LSAMP: variants seen among roughly 807,000 people sequenced by gnomAD.
LSAMP encodes limbic system-associated membrane protein.
A neutral mutation model predicts 38.6 loss-of-function variants in LSAMP; 7 were observed. The ratio of observed to expected loss-of-function variants is 0.18; its 90% CI spans 0.10 to 0.34. LSAMP has a LOEUF of 0.34. LSAMP is among the 10% of genes least tolerant of loss of function. LSAMP has a pLI of 1.00. For missense variants in LSAMP, 313 were observed against 420.0 expected, an observed-to-expected ratio of 0.75 and a Z score of 2.23; for synonymous variants, 154 against 166.8, an observed-to-expected ratio of 0.92 and a Z score of 0.59.
intron 3 of LSAMP, among the ~76,000 whole-genome samples, chr3:115,995,213 T>C (rs1939781077): frequency 6.6e-6 from 1 of 152,128 alleles, no homozygotes; most frequent in Non-Finnish European, 1.5e-5. Flanking sequence ...AATGTCACCA[T>C]TATTCCTGTC....
intron 3 of LSAMP, among the ~76,000 whole-genome samples, chr3:115,954,007 A>C (rs1191099897): frequency 8.5e-5 from 13 of 152,180 alleles, no homozygotes; most frequent in Non-Finnish European, 1.5e-5. Flanking sequence ...ACTGCTTCTT[A>C]TAACATCCTA....
intron 1 of LSAMP, among the ~76,000 whole-genome samples, chr3:116,259,439 T>C (rs115083087): frequency 0.035 from 5,377 of 152,228 alleles, 310 homozygotes; most frequent in African/African-American, 0.12. Flanking sequence ...TTTTCAGTCT[T>C]GACAGTCCAC....
At chr3:116,251,489 A>T (rs1165840420) in intron 1 of LSAMP, among the ~76,000 whole-genome samples, 1 of 152,244 alleles carries the variant, frequency 6.6e-6, no homozygotes, top group East Asian at 1.9e-4. Context: ...AGGTGAAGTC[A>T]TTAGCAAAGG....
chr3:115,897,681 A>C lies in LSAMP; in HGVS notation c.515-45064T>G, dbSNP rs369175331. Among the ~76,000 whole-genome samples, 23 of 152,282 alleles carry C rather than the reference A, an allele frequency of 1.5e-4. 1 individual carries two copies. The South Asian group carries it at 4.6e-3, about 30-fold the overall frequency. ...ACCATCAGCAGCGGTGGACAAGAAA[A>C]CAGAAAGAAGGGTGTGTGACAGTTT... On this transcript the variant is annotated intron_variant, in intron 3 of 6. Transcript: ENST00000490035.
At chr3:116,240,796 C>G (rs1459699440) in intron 1 of LSAMP, among the ~76,000 whole-genome samples, 5 of 152,214 alleles carry the variant, frequency 3.3e-5, no homozygotes, top group African/African-American at 1.2e-4. Flanking sequence ...CTCAAGAGAG[C>G]TGATAAAACA....
intron 1 of LSAMP, among the ~76,000 whole-genome samples, chr3:116,279,179 G>A (rs1337351384): frequency 3.9e-5 from 6 of 152,132 alleles, no homozygotes; most frequent in Non-Finnish European, 5.9e-5. Flanking sequence ...GGGACAGAGG[G>A]AGCCCTGAGA....
At position 115,971,323 on chromosome 3, in the gene LSAMP, T is replaced by G. The variant is rs139879790; in HGVS notation, c.514+48192A>C. On this transcript the variant is annotated intron_variant, in intron 3 of 6. Transcript: ENST00000490035. ...AATAAAACAGAGATCCAAAACAAGA[T>G]TATGTATTTATGACTATACTGGCAA... 9.5e-4 allele frequency among the ~76,000 whole-genome samples: 144 copies of G among 152,314 alleles called. 3 individuals carry two copies. The East Asian group carries it at 0.012, about 12-fold the overall frequency.
intron 2 of LSAMP, among the ~76,000 whole-genome samples, chr3:116,060,616 C>T (rs951676592): frequency 1.9e-4 from 29 of 152,020 alleles, no homozygotes; most frequent in African/African-American, 9.7e-5. Flanking sequence ...CAAAATTAGC[C>T]GGACATGGTG....
intron 1 of LSAMP, among the ~76,000 whole-genome samples, chr3:116,191,312 A>C (rs2107581517): frequency 6.6e-6 from 1 of 152,286 alleles, no homozygotes; most frequent in South Asian, 2.1e-4. Context: ...GAGGGTCAGG[A>C]ATCTGCATTT....
chr3:115,907,968 T>C (rs377696693), intron 3 of LSAMP, among the ~76,000 whole-genome samples: 8 of 152,268 alleles, frequency 5.3e-5, no homozygotes, highest in South Asian at 2.1e-4. Context: ...TGACTTCATC[T>C]ATCTAAAGTA....
chr3:115,946,076 A>G (rs532205210), intron 3 of LSAMP, among the ~76,000 whole-genome samples: 10 of 152,332 alleles, frequency 6.6e-5, no homozygotes, highest in African/African-American at 2.4e-4. Context: ...TAATACCGTA[A>G]GGAGACTTCC....
intron 1 of LSAMP, among the ~76,000 whole-genome samples, chr3:116,211,303 A>G (rs1049545016): frequency 1.3e-5 from 2 of 152,218 alleles, no homozygotes. Flanking sequence ...ATAACAATGT[A>G]TTGTATACTT....
intron 1 of LSAMP, among the ~76,000 whole-genome samples, chr3:116,202,540 G>A (rs908720468): frequency 6.6e-6 from 1 of 151,948 alleles, no homozygotes; most frequent in Non-Finnish European, 1.5e-5. Context: ...TACCACCCAG[G>A]CTCGAATTAT....
At chr3:116,238,375 T>C (rs2046491691) in intron 1 of LSAMP, among the ~76,000 whole-genome samples, 1 of 152,214 alleles carries the variant, frequency 6.6e-6, no homozygotes, top group Non-Finnish European at 1.5e-5. Context: ...AACAGGAGCA[T>C]AAAATAGCTG....
chr3:115,948,155 A>G (rs1454976372), intron 3 of LSAMP, among the ~76,000 whole-genome samples: 1 of 152,196 alleles, frequency 6.6e-6, no homozygotes, highest in Non-Finnish European at 1.5e-5. Flanking sequence ...AAATGATGTG[A>G]ATTTCCAGAT....
chr3:116,350,972 T>A (rs893445595), intron 1 of LSAMP, among the ~76,000 whole-genome samples: 4 of 152,060 alleles, frequency 2.6e-5, no homozygotes, highest in Non-Finnish European at 4.4e-5. Context: ...CAGGCGTCAC[T>A]GAGGGTCTTG....
At chr3:116,149,561 A>G (rs574232871) in intron 1 of LSAMP, among the ~76,000 whole-genome samples, 1 of 152,082 alleles carries the variant, frequency 6.6e-6, no homozygotes, top group East Asian at 1.9e-4. Flanking sequence ...CTCTCTTTCA[A>G]TGGGTATTCA....
intron 1 of LSAMP, among the ~76,000 whole-genome samples, chr3:116,439,300 T>C (rs143742602): frequency 2.0e-5 from 3 of 150,432 alleles, no homozygotes; most frequent in African/African-American, 7.4e-5. Context: ...CCCTCCAGCA[T>C]AGGTCCTGAG....
chr3:116,265,343 A>G (rs1247702665), intron 1 of LSAMP, among the ~76,000 whole-genome samples: 1 of 152,170 alleles, frequency 6.6e-6, no homozygotes, highest in Non-Finnish European at 1.5e-5. Context: ...CTGGATTACT[A>G]TTAAGCTCAA....
Sources: allele counts gnomAD v4.1 joint callset (sites outside exome capture counted in the v4.1 genomes callset), GRCh38; gene constraint gnomAD v4.1.1; transcripts MANE v1.5; gene names NCBI Gene and HGNC (gene_info 2026-07-23, HGNC 2026-07-21).